RNASEH1: variants seen among roughly 807,000 people sequenced by gnomAD.
RNASEH1 encodes ribonuclease H1, also known as ribonuclease H type II.
Under a neutral mutation model 34.6 loss-of-function variants are expected in RNASEH1, and 27 were observed. That is an observed-to-expected ratio of 0.78 (90% CI 0.58 to 1.08). The LOEUF is 1.08. Among genes scored for constraint, RNASEH1 ranks in the 50% least tolerant of loss-of-function variants. The probability of loss-of-function intolerance (pLI) is 0.00; values close to 1 mark genes in which losing one functional copy is unlikely to be tolerated. For missense variants in RNASEH1, 349 were observed against 373.6 expected (o/e 0.93, Z 0.54); for synonymous variants, 162 against 138.4 (o/e 1.17, Z -1.20).
chr2:3,553,049 A>C (rs947671276), intron 2 of RNASEH1, among the ~76,000 whole-genome samples: 2 of 152,094 alleles, frequency 1.3e-5, no homozygotes, highest in Non-Finnish European at 2.9e-5. Context: ...GGAGTTCAAG[A>C]CCAGCCTGGT....
downstream of RNASEH1, among the ~76,000 whole-genome samples, chr2:3,538,386 T>A (rs986238924): frequency 7.3e-5 from 11 of 151,426 alleles, no homozygotes; most frequent in Non-Finnish European, 1.2e-4. Flanking sequence ...ATATAAAAGA[T>A]AAAAAGATAG....
rs1257453250 is a variant in RNASEH1 at position 3,543,331 on chromosome 2, A to C, written c.*2454T>G. On this transcript the variant is annotated 3_prime_UTR_variant, in exon 8 of 8. Transcript: ENST00000315212. ...CAGCTGAAGAAACTATTTTCTGCTC[A>C]ATTAAACTGCTAACTTGTCTAAAGT... Among the ~76,000 whole-genome samples, 2 of 152,226 alleles carry C rather than the reference A, an allele frequency of 1.3e-5. No homozygotes were observed. Among genetic ancestry groups the C allele is most frequent in the African/African-American group, 2.4e-5 (1 of 41,464 alleles).
chr2:3,557,990 C>A lies in RNASEH1; in HGVS notation c.128+143G>T. On this transcript the variant is annotated intron_variant, in intron 1 of 7. Coordinates refer to ENST00000315212, the MANE Select transcript of RNASEH1 (RefSeq NM_002936.6). ...GAACCCCGCCGGCCGAGCAGGAAAA[C>A]GAGGCGGTCCCCCGACCACCCACAG... 2.0e-6 allele frequency: 3 copies of A among 1,487,898 alleles called. No individual in the cohort carries two copies. In the South Asian group the frequency reaches 4.0e-5, roughly 20 times the overall value. 92.2% of individuals were successfully genotyped at this position (1,487,898 alleles called of 1,614,324 possible).
Position 3,550,400 on chromosome 2 carries a change from C to G in RNASEH1, c.482G>C (p.Gly161Ala). The G allele has an allele frequency of 6.2e-7, 1 of 1,614,104 alleles. No individual in the cohort carries two copies. The highest frequency in any genetic ancestry group is 8.5e-7 in the Non-Finnish European group (1 of 1,179,996). The change falls in exon 4 of 8, where the codon GGC becomes GCC. Residue 161 changes from glycine (G) to alanine (A), a missense_variant. This residue lies in a region of RNASEH1 where 256 missense variants were observed against 240.7 expected (regional missense o/e 1.06). Coordinates refer to ENST00000315212, the MANE Select transcript of RNASEH1 (RefSeq NM_002936.6). ...AGGATGGCCTGGCCCCCAGTAAACG[C>G]CGATTCCTGCTCGCGGCCTTCTACG... ...NGRRRPRAGIGVYWGPGHPLN... is the reference protein window; with the variant it reads ...NGRRRPRAGIAVYWGPGHPLN...
Position 3,541,973 on chromosome 2 carries a change from T to C in RNASEH1, c.*3812A>G, listed in dbSNP as rs372198699. Among the ~76,000 whole-genome samples the C allele has an allele frequency of 3.3e-5, 5 of 152,184 alleles. No homozygotes were observed. Among genetic ancestry groups the C allele is most frequent in the African/African-American group, 7.2e-5 (3 of 41,530 alleles). On this transcript the variant is annotated 3_prime_UTR_variant, in exon 8 of 8. Coordinates refer to ENST00000315212, the MANE Select transcript of RNASEH1 (RefSeq NM_002936.6). ...TTTAAGACCAGCCTGGGCAACACAG[T>C]GAGACACTGTTCCTATTTTAAATAA...
At position 3,544,228 on chromosome 2, in the gene RNASEH1, C is replaced by CT. The variant is rs1668540281; in HGVS notation, c.*1556dup. On this transcript the variant is annotated 3_prime_UTR_variant, in exon 8 of 8. Transcript: ENST00000315212. ...CATGGTACTTTCCTGAGGAAAGCTC[C>CT]TAACCGCCTGTTCTCCTGCCAAAGG... 1.3e-5 allele frequency among the ~76,000 whole-genome samples: 2 copies of CT among 152,296 alleles called. No individual in the cohort carries two copies. Among genetic ancestry groups the CT allele is most frequent in the Non-Finnish European group, 2.9e-5 (2 of 68,032 alleles).
At chr2:3,538,212 G>A (rs903410624), downstream of RNASEH1, among the ~76,000 whole-genome samples, 9 of 150,578 alleles carry the variant, frequency 6.0e-5, no homozygotes, top group East Asian at 1.2e-3. Flanking sequence ...GTAGCCGGGC[G>A]TGGTGTTGGG....
At chr2:3,553,648 C>T (rs1558458198) in intron 2 of RNASEH1, among the ~76,000 whole-genome samples, 1 of 152,180 alleles carries the variant, frequency 6.6e-6, no homozygotes, top group East Asian at 1.9e-4. Context: ...CCCTGACCTC[C>T]CACAGTGCTG....
rs1668678335 is a variant in RNASEH1, at chr2:3,545,690, A to G, written c.*95T>C. 6.1e-6 allele frequency: 5 copies of G among 816,420 alleles called. No individual in the cohort carries two copies. Among genetic ancestry groups the G allele is most frequent in the Admixed American group, 1.8e-5 (1 of 56,406 alleles). 50.6% of individuals were successfully genotyped at this position (816,420 alleles called of 1,614,324 possible). On this transcript the variant is annotated 3_prime_UTR_variant, in exon 8 of 8. Transcript: ENST00000315212. ...GAAAGACGCATCTGCCCATCACTGC[A>G]ATGGTCCTACCTGCAGGCTATTTTC...
chr2:3,557,772 T>A (rs1660659819), intron 1 of RNASEH1: 1 of 870,966 alleles, frequency 1.1e-6, no homozygotes, highest in South Asian at 1.4e-5. Flanking sequence ...CAATCCCAAT[T>A]TAGCTGGTAC....
downstream of RNASEH1, among the ~76,000 whole-genome samples, chr2:3,537,138 G>T (rs1406409467): frequency 6.6e-6 from 1 of 152,166 alleles, no homozygotes. Context: ...CAAAATGTTA[G>T]GTTAAAGCAT....
At chr2:3,537,247 A>G (rs1668034636), downstream of RNASEH1, among the ~76,000 whole-genome samples, 1 of 152,206 alleles carries the variant, frequency 6.6e-6, no homozygotes, top group Non-Finnish European at 1.5e-5. Flanking sequence ...GGAGCTGCAA[A>G]GACTGGGGTG....
Position 3,558,210 on chromosome 2 carries a change from G to C in RNASEH1, c.51C>G (p.Pro17=). The C allele has an allele frequency of 6.2e-7, 1 of 1,600,702 alleles. No homozygotes were observed. Among genetic ancestry groups the C allele is most frequent in the Non-Finnish European group, 8.5e-7 (1 of 1,175,610 alleles). The part of the protein sequence containing the change: ...LAHRVALAAL[P]CRRGSRGFGM... The stretch of plus-strand genomic sequence containing the variant: ...CGAACCCGCGAGAGCCGCGGCGGCA[G>C]GGCAAGGCGGCCAAGGCGACTCTGT... The change falls in exon 1 of 8, where the codon CCC becomes CCG. Residue 17 remains proline (P), a synonymous_variant. Coordinates refer to ENST00000315212, the MANE Select transcript of RNASEH1 (RefSeq NM_002936.6).
chr2:3,532,803 A>G, the RNASEH1 span, among the ~76,000 whole-genome samples: 1 of 152,368 alleles, frequency 6.6e-6, no homozygotes, highest in South Asian at 2.1e-4. Flanking sequence ...GATGCACCCA[A>G]CAACGCCCTC....
At position 3,545,763 on chromosome 2, in the gene RNASEH1, C is replaced by G. The variant is rs374599161; in HGVS notation, c.*22G>C. On this transcript the variant is annotated 3_prime_UTR_variant, in exon 8 of 8. Transcript: ENST00000315212. ...AAGACAGCCGCTGGCTCAAGTTCTC[C>G]CAAGGACTAAAGTCACATGGCTCAG... The G allele has an allele frequency of 3.2e-6, 5 of 1,578,522 alleles. No homozygotes were observed. In the African/African-American group the frequency reaches 6.7e-5, roughly 21 times the overall value.
At chr2:3,548,406 G>T (rs1314619414) in intron 6 of RNASEH1, among the ~76,000 whole-genome samples, 2 of 152,182 alleles carry the variant, frequency 1.3e-5, no homozygotes, top group Non-Finnish European at 2.9e-5. Context: ...CAGACTAGAA[G>T]TAAGAGCCAC....
the RNASEH1 span, among the ~76,000 whole-genome samples, chr2:3,532,892 A>G: frequency 6.6e-6 from 1 of 152,218 alleles, no homozygotes; most frequent in African/African-American, 2.4e-5. Flanking sequence ...GCACCGCACT[A>G]AGGGGCATGG....
At chr2:3,533,727 A>G in the RNASEH1 span, 1 of 152,350 alleles carries the variant, frequency 6.6e-6, no homozygotes, top group Non-Finnish European at 1.5e-5. Context: ...AAGAAATGGA[A>G]AGCAGGGACC....
chr2:3,532,627 G>GT, the RNASEH1 span, among the ~76,000 whole-genome samples: 1 of 152,178 alleles, frequency 6.6e-6, no homozygotes, highest in Non-Finnish European at 1.5e-5. Context: ...TCACACAATG[G>GT]TAAGGATTTG....
Sources: gnomAD v4.1 joint callset for allele counts (sites outside exome capture counted in the v4.1 genomes callset) on GRCh38, gnomAD v4.1.1 for gene constraint, gnomAD v4.1.1 regional missense constraint, MANE v1.5 for transcripts, NCBI Gene and HGNC (gene_info 2026-07-23, HGNC 2026-07-21) for gene names.